The following NLRC5 variants were observed in gnomAD, a reference collection of about 807,000 sequenced individuals.
NLRC5 encodes the protein protein NLRC5.
NLRC5 carries 114 observed loss-of-function variants against 206.9 expected under a neutral mutation model. That is an observed-to-expected ratio of 0.55 (90% confidence interval 0.47 to 0.64). The LOEUF is 0.64. NLRC5 is among the 30% of genes least tolerant of loss of function. NLRC5 has a pLI of 0.00. For synonymous variants in NLRC5, 952 were observed against 962.8 expected, an observed-to-expected ratio of 0.99 and a Z score of 0.21; for missense variants, 2,008 against 2,305.5, an observed-to-expected ratio of 0.87 and a Z score of 2.64.
At chr16:56,996,842 C>T (rs1290721906) in intron 1 of NLRC5, among the ~76,000 whole-genome samples, 1 of 152,068 alleles carries the variant, frequency 6.6e-6, no homozygotes, top group Non-Finnish European at 1.5e-5. Flanking sequence ...TAGGAAATGG[C>T]CTCTGGAATC....
intron 24 of NLRC5, among the ~76,000 whole-genome samples, chr16:57,054,162 T>C (rs1315934720): frequency 6.6e-6 from 1 of 152,118 alleles, no homozygotes; most frequent in African/African-American, 2.4e-5. Flanking sequence ...TATCTGGAGA[T>C]ATTTTTGGTG....
intron 19 of NLRC5, among the ~76,000 whole-genome samples, chr16:57,042,582 C>T (rs2063421247): frequency 6.6e-6 from 1 of 152,172 alleles, no homozygotes; most frequent in African/African-American, 2.4e-5. Flanking sequence ...TCCCTAAATG[C>T]CCTTGGTGCT....
chr16:57,011,323 G>A (rs1173374691), intron 1 of NLRC5, among the ~76,000 whole-genome samples: 1 of 151,458 alleles, frequency 6.6e-6, no homozygotes, highest in East Asian at 1.9e-4. Context: ...TGAGACAGGA[G>A]AATCGCTTGG....
At chr16:57,017,272 C>T (rs1037306738) in intron 2 of NLRC5, 84 bp downstream of exon 2, 3 of 152,662 alleles carry the variant, frequency 2.0e-5, no homozygotes, top group Admixed American at 1.3e-4. Flanking sequence ...AAGACTGGTC[C>T]CTACCCAAAT....
At chr16:57,053,534 C>T (rs1239129891) in intron 24 of NLRC5, among the ~76,000 whole-genome samples, 1 of 151,984 alleles carries the variant, frequency 6.6e-6, no homozygotes, top group Admixed American at 6.6e-5. Flanking sequence ...GGTTTTCTTT[C>T]TTTCTTTTTT....
chr16:57,022,431 C>T (rs560824306), intron 4 of NLRC5, 116 bp downstream of exon 4: 3 of 882,796 alleles, frequency 3.4e-6, no homozygotes, highest in African/African-American at 3.3e-5. Context: ...TTCTCATAGG[C>T]CATGCTCTTC....
intron 39 of NLRC5, 112 bp downstream of exon 39, chr16:57,074,795 C>A: frequency 1.0e-6 from 1 of 972,602 alleles, no homozygotes; most frequent in Non-Finnish European, 1.6e-6. Context: ...CTTTGCGGAT[C>A]CCTCCCAGGC....
rs1335302747 is a variant in NLRC5, at chr16:57,041,539, G to A, written c.2994G>A (p.Leu998=). 6.2e-7 allele frequency: 1 copy of A among 1,614,014 alleles called. No individual in the cohort carries two copies. The highest frequency in any genetic ancestry group is 2.2e-5 in the East Asian group (1 of 44,894). ...ACCTAGAGCAGCTCTGCAAGGCTCT[G>A]GGAGGAAGCTGCCACCTCGGTCACC... is the stretch of plus-strand genomic sequence containing the variant. ...EKHLEQLCKA[L]GGSCHLGHLH... Residue 998 remains leucine, a synonymous_variant, in exon 18 of 49, where the codon CTG becomes CTA. Transcript: ENST00000688547.
chr16:56,996,146 G>A (rs761270738), intron 1 of NLRC5, among the ~76,000 whole-genome samples: 2 of 152,062 alleles, frequency 1.3e-5, no homozygotes, highest in Non-Finnish European at 1.5e-5. Context: ...GCATCATAGT[G>A]TTTTTTGTTT....
At chr16:57,067,264 C>A in intron 34 of NLRC5, 123 bp from the exon 35 acceptor site, 1 of 798,054 alleles carries the variant, frequency 1.3e-6, no homozygotes, top group Non-Finnish European at 2.2e-6. Flanking sequence ...GAATAGCAAA[C>A]TGTAGGACTT....
chr16:57,056,961 T>C (rs1409553174), intron 27 of NLRC5, among the ~76,000 whole-genome samples: 1 of 151,694 alleles, frequency 6.6e-6, no homozygotes, highest in Non-Finnish European at 1.5e-5. Context: ...ACCCAGCCAA[T>C]TTTTCTTATT....
chr16:57,000,550 C>T (rs1315389054), intron 1 of NLRC5, among the ~76,000 whole-genome samples: 1 of 152,116 alleles, frequency 6.6e-6, no homozygotes, highest in African/African-American at 2.4e-5. Context: ...AGGGAGACAC[C>T]TCTTCAACTC....
At chr16:57,020,087 C>T (rs146671751) in intron 2 of NLRC5, among the ~76,000 whole-genome samples, 1 of 152,104 alleles carries the variant, frequency 6.6e-6, no homozygotes, top group African/African-American at 2.4e-5. Flanking sequence ...AGGCCACTTC[C>T]CTGCCTATTT....
chr16:57,057,612 C>T (rs544074948), intron 27 of NLRC5, among the ~76,000 whole-genome samples: 4 of 152,276 alleles, frequency 2.6e-5, no homozygotes, highest in South Asian at 4.1e-4. Context: ...CAAATGATGC[C>T]GGCCAAGGGC....
intron 20 of NLRC5, among the ~76,000 whole-genome samples, chr16:57,044,859 G>A (rs1204215363): frequency 3.3e-5 from 5 of 151,746 alleles, no homozygotes; most frequent in African/African-American, 1.2e-4. Flanking sequence ...ACAGTGAGTT[G>A]TGATCACACC....
chr16:56,996,224 A>T (rs1345125675), intron 1 of NLRC5, among the ~76,000 whole-genome samples: 1 of 151,896 alleles, frequency 6.6e-6, no homozygotes, highest in Non-Finnish European at 1.5e-5. Context: ...GCTGGAGTGC[A>T]CTGGTTGCAC....
intron 14 of NLRC5, 41 bp downstream of exon 14, chr16:57,036,224 T>C (rs1379393813): frequency 1.9e-6 from 3 of 1,588,576 alleles, no homozygotes; most frequent in Non-Finnish European, 8.6e-7. Flanking sequence ...GGGAAGGCCC[T>C]GTAGAGCCCC....
chr16:57,025,556 G>T lies in NLRC5; in HGVS notation c.613G>T (p.Ala205Ser). 6.2e-7 allele frequency: 1 copy of T among 1,613,902 alleles called. No individual in the cohort carries two copies. The highest frequency in any genetic ancestry group is 8.5e-7 in the Non-Finnish European group (1 of 1,179,828). Residue 205 changes from alanine (A) to serine (S), a missense_variant, in exon 6 of 49, where the codon GCT (alanine) becomes TCT (serine). Ala to Ser is a moderately conservative substitution (Grantham distance 99, BLOSUM62 1). Coordinates refer to ENST00000688547, the MANE Select transcript of NLRC5 (RefSeq NM_001384950.1). ...GGGGGACGTCAAGGTGGAAGATGGT[G>T]CTGACGTGAGCATCTCGGACCTCTT... The part of the protein sequence containing the change: ...IMGDVKVEDG[A>S]DVSISDLFNT...
intron 1 of NLRC5, chr16:56,991,870 G>A (rs2056917385): frequency 6.6e-6 from 1 of 152,230 alleles, no homozygotes; most frequent in South Asian, 2.1e-4. Context: ...ATATGCTGAA[G>A]GCCTAACCCT....
Sources: gnomAD v4.1 joint callset for allele counts (sites outside exome capture counted in the v4.1 genomes callset) on GRCh38, gnomAD v4.1.1 for gene constraint, MANE v1.5 for transcripts, NCBI Gene and HGNC (gene_info 2026-07-23, HGNC 2026-07-21) for gene names.